Variants in INO80C observed in about 807,000 individuals in gnomAD.
INO80C encodes the protein IES6 homolog.
Under a neutral mutation model 17.7 loss-of-function variants are expected in INO80C, and 17 were observed. That is an observed-to-expected ratio of 0.96 (90% confidence interval 0.66 to 1.44). The LOEUF (loss-of-function observed/expected upper bound fraction) is 1.44, where lower values mean the gene tolerates loss of function less well. Among genes scored for constraint, INO80C ranks in the 40% most tolerant of loss-of-function variants. The probability of loss-of-function intolerance (pLI) is 0.00; values close to 1 mark genes in which losing one functional copy is unlikely to be tolerated. For synonymous variants in INO80C, 96 were observed against 95.8 expected, an observed-to-expected ratio of 1.00 and a Z score of -0.01; for missense variants, 244 against 245.0, an observed-to-expected ratio of 1.00 and a Z score of 0.03.
At chr18:35,495,289 C>A (rs928229539) in intron 1 of INO80C, among the ~76,000 whole-genome samples, 1 of 152,200 alleles carries the variant, frequency 6.6e-6, no homozygotes, top group Non-Finnish European at 1.5e-5. Context: ...GTGGCATGCA[C>A]CTGTCGTCCC....
At chr18:35,485,112 A>T (rs1343210878) in intron 1 of INO80C, among the ~76,000 whole-genome samples, 1 of 152,046 alleles carries the variant, frequency 6.6e-6, no homozygotes, top group Admixed American at 6.6e-5. Flanking sequence ...ACCTCATTTA[A>T]TCTTAATTAC....
chr18:35,488,496 CT>C (rs2045900061), intron 1 of INO80C, among the ~76,000 whole-genome samples: 1 of 55,058 alleles, frequency 1.8e-5, no homozygotes, highest in African/African-American at 5.2e-5. Context: ...ACCTTGGCCC[CT>C]TTTACCATGG....
intron 1 of INO80C, chr18:35,487,586 G>GATATAA (rs1403288679): frequency 1.9e-5 from 3 of 159,604 alleles, no homozygotes; most frequent in Non-Finnish European, 2.8e-5. Flanking sequence ...ATCCCACCGG[G>GATATAA]TTCCTCCCAC....
At chr18:35,497,053 TGAA>T (rs1302103591) in intron 1 of INO80C, among the ~76,000 whole-genome samples, 2 of 152,218 alleles carry the variant, frequency 1.3e-5, no homozygotes, top group Admixed American at 1.3e-4. Flanking sequence ...TTTTTTGCTT[TGAA>T]TAAAATGCAG....
intron 1 of INO80C, among the ~76,000 whole-genome samples, chr18:35,495,877 C>A (rs1295298988): frequency 1.3e-5 from 2 of 152,124 alleles, no homozygotes; most frequent in Non-Finnish European, 2.9e-5. Flanking sequence ...CACAAAAGAT[C>A]TGGAATGTCC....
chr18:35,479,346 G>A lies in INO80C; in HGVS notation c.333C>T (p.Ile111=). ...ACGGCAATGCCCTTTCAGAAGCGAG[G>A]ATTTGTTTCAGGTTCTTCCAGGTTC... ...KNRTWKNLKQ[I]LASERALPWQ... is the part of the protein sequence containing the mutation. The change falls in exon 3 of 5, where the codon ATC becomes ATT. Residue 111 remains isoleucine (I), a synonymous_variant. Transcript: ENST00000334598. The A allele has an allele frequency of 6.2e-7, 1 of 1,614,096 alleles. No individual in the cohort carries two copies. Among genetic ancestry groups the A allele is most frequent in the East Asian group, 2.2e-5 (1 of 44,874 alleles).
chr18:35,474,939 A>G (rs1167112474), intron 4 of INO80C, among the ~76,000 whole-genome samples: 1 of 152,194 alleles, frequency 6.6e-6, no homozygotes, highest in Non-Finnish European at 1.5e-5. Context: ...GAGTTTTGGG[A>G]CACTATCAAA....
intron 2 of INO80C, among the ~76,000 whole-genome samples, chr18:35,479,674 G>A (rs1319338924): frequency 2.0e-5 from 3 of 151,104 alleles, no homozygotes; most frequent in South Asian, 2.1e-4. Flanking sequence ...TTATATGCAC[G>A]TAAAAAAAAA....
chr18:35,497,634 A>G (rs964701325), intron 1 of INO80C, 85 bp downstream of exon 1: 9 of 1,510,910 alleles, frequency 6.0e-6, no homozygotes, highest in Non-Finnish European at 7.1e-6. Flanking sequence ...AGCGCCCCAC[A>G]TTACGCACGC....
At chr18:35,497,171 G>T in intron 1 of INO80C, 1 of 179,874 alleles carries the variant, frequency 5.6e-6, no homozygotes, top group Non-Finnish European at 1.1e-5. Context: ...CAGGCGCTGA[G>T]CTCAGTGCCT....
intron 4 of INO80C, among the ~76,000 whole-genome samples, chr18:35,470,531 C>T (rs2045657619): frequency 6.6e-6 from 1 of 152,128 alleles, no homozygotes; most frequent in Non-Finnish European, 1.5e-5. Context: ...CAGTTCCGAG[C>T]AGAGTGTAGG....
At chr18:35,495,764 C>T (rs1380087945) in intron 1 of INO80C, among the ~76,000 whole-genome samples, 4 of 152,160 alleles carry the variant, frequency 2.6e-5, no homozygotes, top group Non-Finnish European at 5.9e-5. Context: ...ACAATACATA[C>T]ATCTGGCAAA....
At chr18:35,479,484 C>T in intron 2 of INO80C, 73 bp from the exon 3 acceptor site, 1 of 887,532 alleles carries the variant, frequency 1.1e-6, no homozygotes, top group Non-Finnish European at 1.9e-6. Flanking sequence ...GACATTTATG[C>T]CTAATCATAA....
chr18:35,489,542 C>A (rs372464721), intron 1 of INO80C, among the ~76,000 whole-genome samples: 1 of 152,264 alleles, frequency 6.6e-6, no homozygotes, highest in Non-Finnish European at 1.5e-5. Context: ...GTTCCTCCCA[C>A]AACACATGGG....
rs954879572 is a variant in INO80C, at chr18:35,497,929, A to G, written c.-55T>C. 4 of 1,470,418 alleles carry G rather than the reference A, an allele frequency of 2.7e-6. No individual in the cohort carries two copies. Among genetic ancestry groups the G allele is most frequent in the African/African-American group, 1.5e-5 (1 of 68,058 alleles). The allele number at this position is 1,470,418 out of a possible 1,614,324, so 91.1% of individuals were successfully genotyped here. On this transcript the variant is annotated 5_prime_UTR_variant, in exon 1 of 5. Transcript: ENST00000334598. ...ACCTTTTTCCCAGCGCGGGCCTTGGAACTTCCTTTCCGCTGTTACTTCCGT... is the reference window on the plus strand; with the variant it reads ...ACCTTTTTCCCAGCGCGGGCCTTGGGACTTCCTTTCCGCTGTTACTTCCGT...
intron 4 of INO80C, among the ~76,000 whole-genome samples, chr18:35,474,421 C>T (rs2045710242): frequency 6.6e-6 from 1 of 151,544 alleles, no homozygotes; most frequent in Admixed American, 6.6e-5. Flanking sequence ...GGCACGGTGG[C>T]TCACATTGGT....
At chr18:35,489,159 C>T (rs901269311) in intron 1 of INO80C, 1 of 187,486 alleles carries the variant, frequency 5.3e-6, no homozygotes, top group African/African-American at 2.4e-5. Context: ...CCGTTCCAAC[C>T]TCTGCCTGTT....
chr18:35,490,345 A>C (rs1237590274), intron 1 of INO80C, among the ~76,000 whole-genome samples: 2 of 152,182 alleles, frequency 1.3e-5, no homozygotes, highest in African/African-American at 4.8e-5. Context: ...CCTAAATTAA[A>C]TTAGCAGGAG....
At chr18:35,471,377 T>G (rs2045667450) in intron 4 of INO80C, among the ~76,000 whole-genome samples, 1 of 152,188 alleles carries the variant, frequency 6.6e-6, no homozygotes, top group South Asian at 2.1e-4. Context: ...CCAATTTGTG[T>G]GTGTGTGTTG....
Sources: gnomAD v4.1 joint callset for allele counts (sites outside exome capture counted in the v4.1 genomes callset) on GRCh38, gnomAD v4.1.1 for gene constraint, MANE v1.5 for transcripts, NCBI Gene and HGNC (gene_info 2026-07-23, HGNC 2026-07-21) for gene names.